COG6: variants seen among roughly 807,000 people sequenced by gnomAD.
The protein encoded by COG6 is conserved oligomeric Golgi complex subunit 6.
A neutral mutation model predicts 88.8 loss-of-function variants in COG6; 74 were observed. The ratio of observed to expected loss-of-function variants is 0.83; its 90% CI spans 0.69 to 1.01. COG6 has a LOEUF of 1.01. COG6 is among the 50% of genes least tolerant of loss of function. COG6 has a pLI of 0.00. For synonymous variants in COG6, 286 were observed against 278.7 expected (o/e 1.03, Z -0.26); for missense variants, 800 against 797.9 (o/e 1.00, Z -0.03).
chr13:39,769,449 GCT>G (rs1881258225), intron 18 of COG6, among the ~76,000 whole-genome samples: 3 of 152,126 alleles, frequency 2.0e-5, no homozygotes, highest in Admixed American at 2.0e-4. Flanking sequence ...AAGATTACTT[GCT>G]CTCTCTAAGC....
chr13:39,734,343 T>C (rs974435311), intron 18 of COG6, among the ~76,000 whole-genome samples: 5 of 152,168 alleles, frequency 3.3e-5, no homozygotes, highest in African/African-American at 1.2e-4. Context: ...TCCTTCTTAA[T>C]TTCTTCATTA....
At chr13:39,694,952 C>G (rs1877183523) in intron 12 of COG6, among the ~76,000 whole-genome samples, 1 of 74,702 alleles carries the variant, frequency 1.3e-5, no homozygotes, top group Non-Finnish European at 2.8e-5. Context: ...AGCTTAACTA[C>G]ACGCACACAC....
chr13:39,762,694 A>T (rs908689419), intron 18 of COG6, among the ~76,000 whole-genome samples: 1 of 151,522 alleles, frequency 6.6e-6, no homozygotes, highest in Admixed American at 6.6e-5. Context: ...AGGCACCTTC[A>T]TAATATTATT....
At chr13:39,732,279 T>C (rs1334933813) in intron 18 of COG6, among the ~76,000 whole-genome samples, 17 of 152,344 alleles carry the variant, frequency 1.1e-4, no homozygotes, top group Non-Finnish European at 2.1e-4. Flanking sequence ...ATTATCAACT[T>C]GATCTGTAAT....
chr13:39,707,663 G>A (rs894346233), intron 13 of COG6, among the ~76,000 whole-genome samples: 15 of 152,072 alleles, frequency 9.9e-5, no homozygotes, highest in African/African-American at 3.6e-4. Context: ...GATTCATACA[G>A]TGTATACTTT....
At chr13:39,692,284 T>G (rs1202129744) in intron 11 of COG6, among the ~76,000 whole-genome samples, 3 of 151,996 alleles carry the variant, frequency 2.0e-5, no homozygotes, top group Non-Finnish European at 4.4e-5. Flanking sequence ...ATATTAAATT[T>G]TTTTTTTAAG....
chr13:39,689,762 G>T lies in COG6; in HGVS notation c.1012G>T (p.Val338Phe). 1 of 1,603,258 alleles carries T rather than the reference G, an allele frequency of 6.2e-7. No homozygotes were observed. The highest frequency in any genetic ancestry group is 8.5e-7 in the Non-Finnish European group (1 of 1,171,828). The part of the protein sequence containing the change: ...ALLKHVTTQG[V>F]EENIQEVVGH... The stretch of plus-strand genomic sequence containing the variant: ...AATTATGTAGTCATTAATTTTAGGT[G>T]TTGAAGAAAATATTCAAGAAGTTGT... Residue 338 changes from valine to phenylalanine, a missense_variant and splice_region_variant, in exon 11 of 19, where the codon GTT (valine) becomes TTT (phenylalanine). Val to Phe is a conservative substitution (Grantham distance 50, BLOSUM62 -1). Transcript: ENST00000455146.
intron 13 of COG6, among the ~76,000 whole-genome samples, chr13:39,708,249 TAA>T (rs1878050198): frequency 1.3e-5 from 2 of 152,234 alleles, no homozygotes; most frequent in South Asian, 4.1e-4. Context: ...TATTGACTTA[TAA>T]GAGTTTTCAA....
intron 18 of COG6, among the ~76,000 whole-genome samples, chr13:39,759,279 G>C (rs1393302854): frequency 6.6e-6 from 1 of 152,108 alleles, no homozygotes; most frequent in African/African-American, 2.4e-5. Context: ...CTGTTCTCAT[G>C]TCTTAATTGT....
At chr13:39,743,624 C>A (rs1880172016) in intron 18 of COG6, among the ~76,000 whole-genome samples, 1 of 151,864 alleles carries the variant, frequency 6.6e-6, no homozygotes, top group African/African-American at 2.4e-5. Flanking sequence ...AGCCTACCAA[C>A]CAAAAAAAAG....
In COG6 at chr13:39,719,464, C is replaced by G; in HGVS notation, c.1416+97C>G. On this transcript the variant is annotated intron_variant, in intron 14 of 18. Transcript: ENST00000455146. ...TTTGTAATTCATATACTTTGACAGT[C>G]TCTTTCTTACTGTTAATTTTCCATC... The G allele has an allele frequency of 4.0e-6, 5 of 1,257,462 alleles. No homozygotes were observed. In the South Asian group the frequency reaches 6.3e-5, roughly 16 times the overall value. The allele number at this position is 1,257,462 out of a possible 1,614,324, so 77.9% of individuals were successfully genotyped here.
Position 39,736,924 on chromosome 13 carries a change from T to C in COG6, c.1826+9376T>C, listed in dbSNP as rs566440164. Among the ~76,000 whole-genome samples the C allele has an allele frequency of 2.6e-5, 4 of 152,290 alleles. No homozygotes were observed. In the South Asian group the frequency reaches 6.2e-4, roughly 24 times the overall value. Reference sequence around the variant, plus strand: ...CTGGGCATCGAAGAGGTGGGTGTTATAGTCTTCATAGTCTGGGCCTTGTAC... The same window carrying C: ...CTGGGCATCGAAGAGGTGGGTGTTACAGTCTTCATAGTCTGGGCCTTGTAC... On this transcript the variant is annotated intron_variant, in intron 18 of 18. Transcript: ENST00000455146.
At chr13:39,771,283 C>G (rs1881312389) in intron 18 of COG6, among the ~76,000 whole-genome samples, 1 of 152,306 alleles carries the variant, frequency 6.6e-6, no homozygotes, top group African/African-American at 2.4e-5. Flanking sequence ...TACTGAAAGG[C>G]ATTTGCTGTG....
intron 18 of COG6, among the ~76,000 whole-genome samples, chr13:39,776,562 T>C (rs185832856): frequency 1.3e-5 from 2 of 152,152 alleles, no homozygotes; most frequent in African/African-American, 4.8e-5. Flanking sequence ...CTTTGGAAAA[T>C]GAAGGAGAAC....
intron 13 of COG6, among the ~76,000 whole-genome samples, chr13:39,713,884 C>G (rs1878378102): frequency 6.6e-6 from 1 of 152,156 alleles, no homozygotes; most frequent in Non-Finnish European, 1.5e-5. Context: ...ATTTTATAGT[C>G]ACAAAGTTTG....
At chr13:39,711,773 A>G (rs1190847755) in intron 13 of COG6, among the ~76,000 whole-genome samples, 6 of 152,212 alleles carry the variant, frequency 3.9e-5, no homozygotes, top group African/African-American at 1.2e-4. Context: ...AAACATGACT[A>G]TAGGTAACAT....
rs1025590474 is a variant in COG6 at position 39,660,105 on chromosome 13, G to C, written c.297+598G>C. ...GAAGTGTTGCACATGGTTTCAATGAGTGTTCAATAAAAATAGGTTGTTTTT... is the reference window on the plus strand; with the variant it reads ...GAAGTGTTGCACATGGTTTCAATGACTGTTCAATAAAAATAGGTTGTTTTT... On this transcript the variant is annotated intron_variant, in intron 2 of 18. Transcript: ENST00000455146. Among the ~76,000 whole-genome samples, 4 of 152,066 alleles carry C rather than the reference G, an allele frequency of 2.6e-5. No individual in the cohort carries two copies. In the South Asian group the frequency reaches 8.3e-4, roughly 32 times the overall value.
chr13:39,770,499 C>T (rs1256652283), intron 18 of COG6, among the ~76,000 whole-genome samples: 1 of 152,230 alleles, frequency 6.6e-6, no homozygotes. Context: ...ATGACAGAAG[C>T]TTGACTGAAG....
chr13:39,660,999 A>G (rs1874863289), intron 3 of COG6, 118 bp downstream of exon 3: 3 of 672,582 alleles, frequency 4.5e-6, no homozygotes, highest in African/African-American at 1.8e-5. Flanking sequence ...GGGTATAAAT[A>G]TAATCCTTAT....
Sources: allele counts gnomAD v4.1 joint callset (sites outside exome capture counted in the v4.1 genomes callset), GRCh38; gene constraint gnomAD v4.1.1; transcripts MANE v1.5; gene names NCBI Gene and HGNC (gene_info 2026-07-23, HGNC 2026-07-21).